Variants in RGS6 observed in about 807,000 individuals in gnomAD.
RGS6 encodes regulator of G protein signaling 6, also known as regulator of G-protein signaling 6.
A neutral mutation model predicts 78.5 loss-of-function variants in RGS6; 30 were observed. That is an observed-to-expected ratio of 0.38 (90% confidence interval 0.29 to 0.52). The LOEUF (loss-of-function observed/expected upper bound fraction) is 0.52, where lower values mean the gene tolerates loss of function less well. Ranked by LOEUF, RGS6 falls within the 20% of genes least tolerant of loss-of-function variation. The pLI is 0.85. For missense variants in RGS6, 495 were observed against 609.7 expected (o/e 0.81, Z 1.98); for synonymous variants, 206 against 206.0 (o/e 1.00, Z 0.00).
chr14:72,155,324 C>G (rs988754915), intron 2 of RGS6, among the ~76,000 whole-genome samples: 5 of 152,214 alleles, frequency 3.3e-5, no homozygotes, highest in Non-Finnish European at 7.4e-5. Flanking sequence ...AGGTTAACAT[C>G]AGATAATTTC....
chr14:72,161,014 G>A (rs2096844835), intron 2 of RGS6, among the ~76,000 whole-genome samples: 1 of 152,172 alleles, frequency 6.6e-6, no homozygotes. Flanking sequence ...ATGATAGACT[G>A]GATAAAGAAA....
intron 1 of RGS6, among the ~76,000 whole-genome samples, chr14:71,955,685 G>T (rs928163486): frequency 6.6e-6 from 1 of 152,098 alleles, no homozygotes; most frequent in Non-Finnish European, 1.5e-5. Context: ...CACCATCTTG[G>T]TTCTGGTGGG....
intron 2 of RGS6, among the ~76,000 whole-genome samples, chr14:72,155,532 T>C (rs937360502): frequency 2.6e-5 from 4 of 152,216 alleles, no homozygotes; most frequent in Non-Finnish European, 4.4e-5. Context: ...AAATGACCTG[T>C]TACCAAAGTG....
intron 2 of RGS6, among the ~76,000 whole-genome samples, chr14:72,292,977 A>ACTT (rs1323069828): frequency 6.6e-6 from 1 of 152,214 alleles, no homozygotes; most frequent in African/African-American, 2.4e-5. Flanking sequence ...TCATCCCTGA[A>ACTT]GGCTACTGAC....
At chr14:72,103,532 C>T (rs1030609852) in intron 2 of RGS6, among the ~76,000 whole-genome samples, 2 of 152,158 alleles carry the variant, frequency 1.3e-5, no homozygotes, top group African/African-American at 4.8e-5. Flanking sequence ...TTCTCCTGAA[C>T]TTACGTATTT....
chr14:71,893,842 C>G, the RGS6 span, among the ~76,000 whole-genome samples: 1 of 152,048 alleles, frequency 6.6e-6, no homozygotes, highest in Admixed American at 6.6e-5. Flanking sequence ...GCGCAGTTGG[C>G]TGAAATTGGC....
chr14:71,951,027 T>C (rs1253783529), intron 1 of RGS6, among the ~76,000 whole-genome samples: 1 of 152,028 alleles, frequency 6.6e-6, no homozygotes, highest in African/African-American at 2.4e-5. Context: ...GAGGCAGAAA[T>C]ACCATTTGAC....
intron 3 of RGS6, among the ~76,000 whole-genome samples, chr14:72,387,195 T>A (rs374025726): frequency 5.3e-5 from 8 of 151,598 alleles, no homozygotes; most frequent in African/African-American, 1.9e-4. Flanking sequence ...GGAAATAGGG[T>A]TTTTGCAGAT....
intron 2 of RGS6, among the ~76,000 whole-genome samples, chr14:72,260,568 AT>A (rs1191781053): frequency 1.3e-5 from 2 of 152,050 alleles, no homozygotes; most frequent in African/African-American, 4.8e-5. Context: ...GTATTGGGGA[AT>A]TTTCCCTCCC....
intron 2 of RGS6, among the ~76,000 whole-genome samples, chr14:72,184,138 G>A (rs565493090): frequency 6.6e-6 from 1 of 152,174 alleles, no homozygotes; most frequent in East Asian, 1.9e-4. Context: ...CACCCTGTGA[G>A]GCTTTTTCCC....
At position 72,540,052 on chromosome 14, in the gene RGS6, G is replaced by A. The variant is rs1360546903; in HGVS notation, c.1380G>A (p.Glu460=). Residue 460 remains glutamate, a synonymous_variant, in exon 17 of 18, where the codon GAG becomes GAA. Transcript: ENST00000553525. ...LLLAKKKPES[E]QGRRTSLEKF... ...TTTTTTTCCTAAAGCCAGAAAGTGA[G>A]CAAGGTCGTAGAACTTCCCTAGAAA... The A allele has an allele frequency of 1.3e-6, 2 of 1,581,020 alleles. No individual in the cohort carries two copies. The highest frequency in any genetic ancestry group is 1.7e-4 in the Middle Eastern group (1 of 6,008).
At chr14:72,341,500 A>G (rs2076986444) in intron 2 of RGS6, among the ~76,000 whole-genome samples, 1 of 152,226 alleles carries the variant, frequency 6.6e-6, no homozygotes, top group Non-Finnish European at 1.5e-5. Flanking sequence ...TGGAGGAAGT[A>G]GCTTTTGAGC....
At chr14:71,940,651 C>T (rs140829881) in intron 1 of RGS6, among the ~76,000 whole-genome samples, 128 of 134,734 alleles carry the variant, frequency 9.5e-4, no homozygotes, top group African/African-American at 3.1e-3. Context: ...CCACTTGACC[C>T]CTGCCACCTG....
intron 12 of RGS6, among the ~76,000 whole-genome samples, chr14:72,491,432 A>G (rs1454552834): frequency 6.6e-6 from 1 of 152,206 alleles, no homozygotes; most frequent in Non-Finnish European, 1.5e-5. Flanking sequence ...TTGTAGACAT[A>G]TGTTCATCTT....
chr14:72,090,687 G>A (rs567114894), intron 2 of RGS6, among the ~76,000 whole-genome samples: 2 of 152,246 alleles, frequency 1.3e-5, no homozygotes, highest in South Asian at 2.1e-4. Context: ...GTTCACATAC[G>A]GACAGTGAAA....
At chr14:72,510,971 A>G (rs1231696823) in intron 14 of RGS6, among the ~76,000 whole-genome samples, 1 of 152,226 alleles carries the variant, frequency 6.6e-6, no homozygotes, top group African/African-American at 2.4e-5. Context: ...TCAAAACCTC[A>G]GGTCCAATAT....
At chr14:72,531,901 C>T (rs779651049) in intron 15 of RGS6, among the ~76,000 whole-genome samples, 2 of 152,174 alleles carry the variant, frequency 1.3e-5, no homozygotes, top group Non-Finnish European at 2.9e-5. Context: ...ACCTCTTCAA[C>T]TTATTCTTCC....
At chr14:72,596,642 T>C in the RGS6 span, among the ~76,000 whole-genome samples, 5 of 152,196 alleles carry the variant, frequency 3.3e-5, no homozygotes, top group Admixed American at 2.6e-4. Flanking sequence ...CCTTTGAAGA[T>C]ACTTAATCCC....
At chr14:72,491,623 C>A (rs372471769) in intron 12 of RGS6, among the ~76,000 whole-genome samples, 2 of 151,960 alleles carry the variant, frequency 1.3e-5, no homozygotes, top group Non-Finnish European at 2.9e-5. Flanking sequence ...AATTGGTCAG[C>A]GAGTACAAGG....
Sources: allele counts gnomAD v4.1 joint callset (sites outside exome capture counted in the v4.1 genomes callset), GRCh38; gene constraint gnomAD v4.1.1; transcripts MANE v1.5; gene names NCBI Gene and HGNC (gene_info 2026-07-23, HGNC 2026-07-21).